Variants in XKR4 observed in about 807,000 individuals in gnomAD.
The protein encoded by XKR4 is XK related 4, also known as XK-related protein 4.
Under a neutral mutation model 53.9 loss-of-function variants are expected in XKR4, and 12 were observed. That is an observed-to-expected ratio of 0.22 (90% confidence interval 0.14 to 0.36). XKR4 has a LOEUF of 0.36. Ranked by LOEUF, XKR4 falls within the 10% of genes least tolerant of loss-of-function variation. XKR4 has a pLI of 1.00. For missense variants in XKR4, 799 were observed against 859.5 expected, an observed-to-expected ratio of 0.93 and a Z score of 0.88; for synonymous variants, 354 against 362.4, an observed-to-expected ratio of 0.98 and a Z score of 0.26.
At chr8:55,264,393 C>T (rs953829100) in intron 1 of XKR4, among the ~76,000 whole-genome samples, 3 of 152,180 alleles carry the variant, frequency 2.0e-5, no homozygotes, top group Admixed American at 1.3e-4. Context: ...GTTGTATCTA[C>T]TAGTGCCTAG....
At chr8:55,106,190 C>G (rs144070498) in intron 1 of XKR4, among the ~76,000 whole-genome samples, 339 of 152,220 alleles carry the variant, frequency 2.2e-3, no homozygotes, top group Non-Finnish European at 3.7e-3. Flanking sequence ...TAGGGAAGGA[C>G]CAGATTCTAA....
chr8:55,206,692 C>T (rs1817655911), intron 1 of XKR4, among the ~76,000 whole-genome samples: 4 of 152,140 alleles, frequency 2.6e-5, no homozygotes, highest in African/African-American at 9.7e-5. Context: ...TTCACCTTAG[C>T]AGGCATTTGA....
At chr8:55,300,047 T>G (rs1819165217) in intron 1 of XKR4, among the ~76,000 whole-genome samples, 1 of 152,116 alleles carries the variant, frequency 6.6e-6, no homozygotes, top group African/African-American at 2.4e-5. Context: ...AAGCCCCCGC[T>G]GTAGGTGGAG....
At chr8:55,469,994 A>G (rs1360174503) in intron 2 of XKR4, among the ~76,000 whole-genome samples, 1 of 152,108 alleles carries the variant, frequency 6.6e-6, no homozygotes, top group East Asian at 1.9e-4. Context: ...ATGGACAAAT[A>G]AGTGCAATAA....
chr8:55,405,438 C>T (rs1026540129), intron 2 of XKR4, among the ~76,000 whole-genome samples: 13 of 152,232 alleles, frequency 8.5e-5, no homozygotes, highest in African/African-American at 2.9e-4. Flanking sequence ...AAAGTCTCAT[C>T]ACCTTGTTTA....
intron 1 of XKR4, among the ~76,000 whole-genome samples, chr8:55,239,796 C>T (rs1396753289): frequency 6.6e-6 from 1 of 152,168 alleles, no homozygotes; most frequent in African/African-American, 2.4e-5. Context: ...CCATTCCATC[C>T]CGCAGCTTTC....
intron 2 of XKR4, among the ~76,000 whole-genome samples, chr8:55,429,422 T>C (rs1332033130): frequency 6.6e-6 from 1 of 151,572 alleles, no homozygotes; most frequent in Non-Finnish European, 1.5e-5. Context: ...AGAAAAGAAA[T>C]ATTGAGGTCG....
chr8:55,148,555 T>A (rs1023249350), intron 1 of XKR4, among the ~76,000 whole-genome samples: 5 of 152,218 alleles, frequency 3.3e-5, no homozygotes, highest in Admixed American at 1.3e-4. Flanking sequence ...TGTTAAGTTA[T>A]CGGGTCAAAT....
At chr8:55,386,974 C>G (rs989373906) in intron 2 of XKR4, among the ~76,000 whole-genome samples, 3 of 152,168 alleles carry the variant, frequency 2.0e-5, no homozygotes, top group African/African-American at 7.2e-5. Context: ...AAATACTATG[C>G]AAGTCACAGA....
chr8:55,194,713 A>T (rs1817482449), intron 1 of XKR4, among the ~76,000 whole-genome samples: 1 of 152,176 alleles, frequency 6.6e-6, no homozygotes, highest in Non-Finnish European at 1.5e-5. Context: ...TGAGAAAGAG[A>T]TGCACCCATT....
chr8:55,351,903 G>A (rs955722841), intron 1 of XKR4, among the ~76,000 whole-genome samples: 3 of 152,000 alleles, frequency 2.0e-5, no homozygotes, highest in Admixed American at 2.0e-4. Flanking sequence ...GTTTCCCTTG[G>A]ACAAAAACAT....
chr8:55,160,504 G>T (rs1816969152), intron 1 of XKR4, among the ~76,000 whole-genome samples: 1 of 152,128 alleles, frequency 6.6e-6, no homozygotes, highest in South Asian at 2.1e-4. Context: ...GCAGCTTTTG[G>T]CAAGGACAAG....
At chr8:55,356,637 A>G (rs971244435) in intron 1 of XKR4, among the ~76,000 whole-genome samples, 3 of 152,218 alleles carry the variant, frequency 2.0e-5, no homozygotes, top group African/African-American at 7.2e-5. Flanking sequence ...AAATTATTTT[A>G]AATAAAATAC....
intron 1 of XKR4, among the ~76,000 whole-genome samples, chr8:55,264,239 C>T (rs1292953891): frequency 6.6e-6 from 1 of 152,210 alleles, no homozygotes; most frequent in East Asian, 1.9e-4. Context: ...CCTTAATTAT[C>T]CTTGCCTCCC....
chr8:55,338,921 A>G (rs1803502314), intron 1 of XKR4, among the ~76,000 whole-genome samples: 1 of 152,240 alleles, frequency 6.6e-6, no homozygotes, highest in African/African-American at 2.4e-5. Context: ...TTGAGCAATA[A>G]GTAAATTGAA....
intron 2 of XKR4, among the ~76,000 whole-genome samples, chr8:55,397,759 T>C (rs1217622258): frequency 6.6e-6 from 1 of 152,128 alleles, no homozygotes; most frequent in Non-Finnish European, 1.5e-5. Flanking sequence ...TCATCAATGG[T>C]CTTCCAGCTT....
At chr8:55,198,150 G>A (rs1817529539) in intron 1 of XKR4, among the ~76,000 whole-genome samples, 1 of 152,162 alleles carries the variant, frequency 6.6e-6, no homozygotes, top group Admixed American at 6.5e-5. Context: ...AACAAATTCA[G>A]GGCAGAATTC....
intron 1 of XKR4, among the ~76,000 whole-genome samples, chr8:55,356,491 T>A (rs980700867): frequency 1.3e-5 from 2 of 152,188 alleles, no homozygotes; most frequent in Admixed American, 1.3e-4. Context: ...CAAATAATCA[T>A]CTTATGTGGA....
chr8:55,214,288 AGATCGTAAACATGCT>A (rs1336311181), intron 1 of XKR4, among the ~76,000 whole-genome samples: 1 of 152,228 alleles, frequency 6.6e-6, no homozygotes, highest in African/African-American at 2.4e-5. Flanking sequence ...TAAAAATGCT[AGATCGTAAACATGCT>A]GAGGGCAATA....
Sources: allele counts gnomAD v4.1 joint callset (sites outside exome capture counted in the v4.1 genomes callset), GRCh38; gene constraint gnomAD v4.1.1; transcripts MANE v1.5; gene names NCBI Gene and HGNC (gene_info 2026-07-23, HGNC 2026-07-21).